Variants in GSDME observed in about 807,000 individuals in gnomAD.
The protein encoded by GSDME is gasdermin E, also known as gasdermin-E.
A neutral mutation model predicts 47.5 loss-of-function variants in GSDME; 44 were observed. The observed-to-expected ratio is 0.93, with a 90% CI of 0.73 to 1.19. The LOEUF (loss-of-function observed/expected upper bound fraction) is 1.19. Among genes scored for constraint, GSDME ranks in the 50% most tolerant of loss-of-function variants. The pLI is 0.00. For missense variants in GSDME, 663 were observed against 604.2 expected (o/e 1.10, Z -1.02); for synonymous variants, 258 against 252.8 (o/e 1.02, Z -0.20).
intron 4 of GSDME, among the ~76,000 whole-genome samples, chr7:24,718,801 C>T (rs910293675): frequency 8.2e-6 from 1 of 121,738 alleles, no homozygotes; most frequent in Admixed American, 8.6e-5. Context: ...AGGGCATCAA[C>T]CCAGGGAAAG....
the GSDME span, among the ~76,000 whole-genome samples, chr7:24,766,468 G>T: frequency 6.6e-6 from 1 of 151,906 alleles, no homozygotes; most frequent in African/African-American, 2.4e-5. This position sits in a 1 kb window ranked among gnomAD's most constrained non-coding sequence, Gnocchi z 4.2. Context: ...CACACCCACC[G>T]ACAGGCCCCG....
At chr7:24,715,872 C>A (rs936344743) in intron 5 of GSDME, among the ~76,000 whole-genome samples, 20 of 152,182 alleles carry the variant, frequency 1.3e-4, no homozygotes, top group African/African-American at 4.8e-4. Flanking sequence ...TTTCACCGCC[C>A]TAAAATGCAG....
chr7:24,703,643 TAGC>T (rs1205023330), intron 8 of GSDME: 6 of 153,256 alleles, frequency 3.9e-5, no homozygotes, highest in African/African-American at 1.4e-4. Flanking sequence ...TGCCATGTGT[TAGC>T]AGCCTTATTT....
intron 5 of GSDME, among the ~76,000 whole-genome samples, chr7:24,710,944 GAAT>G (rs1240514514): frequency 1.3e-5 from 2 of 152,132 alleles, no homozygotes; most frequent in Non-Finnish European, 2.9e-5. Context: ...AAACACAAAA[GAAT>G]ACATTCTCTC....
Position 24,728,278 on chromosome 7 carries a change from C to G in GSDME, c.405-9060G>C, listed in dbSNP as rs922881840. ...TTAGGGACCAAGAGAACTTGAGCTG[C>G]CAGGACAGATGGCGGCTGCCACAGG... On this transcript the variant is annotated intron_variant, in intron 3 of 9. Transcript: ENST00000645220. This position sits in a 1 kb window ranked among gnomAD's most constrained non-coding sequence, Gnocchi z 7.2. 3.3e-5 allele frequency among the ~76,000 whole-genome samples: 5 copies of G among 152,150 alleles called. No homozygotes were observed. The highest frequency in any genetic ancestry group is 7.4e-5 in the Non-Finnish European group (5 of 68,014).
At chr7:24,761,158 C>G (rs892319649), upstream of GSDME, among the ~76,000 whole-genome samples, 7 of 152,226 alleles carry the variant, frequency 4.6e-5, no homozygotes, top group African/African-American at 1.7e-4. The surrounding 1 kb of genome is among the most constrained non-coding windows in gnomAD (Gnocchi z 4.4). Flanking sequence ...CTGAGTGACT[C>G]TTCTGTTCCA....
At position 24,708,254 on chromosome 7, in the gene GSDME, G is replaced by C. The variant is rs150896230; in HGVS notation, c.863C>G (p.Ala288Gly). 2 of 1,613,944 alleles carry C rather than the reference G, an allele frequency of 1.2e-6. No homozygotes were observed. The highest frequency in any genetic ancestry group is 3.3e-5 in the Admixed American group (2 of 60,026). The change falls in exon 7 of 10, where the codon GCG becomes GGG. Residue 288 changes from alanine to glycine, a missense_variant and splice_region_variant. Coordinates refer to ENST00000645220, the MANE Select transcript of GSDME (RefSeq NM_001127453.2). ...QDGPLSVLKQ[A>G]TLLLERNFHP... The stretch of plus-strand genomic sequence containing the variant: ...GAAATTCCTCTCCAGGAGCAGGGTC[G>C]CTGTGAAAACAAAGCACACCCAAGT...
At position 24,736,208 on chromosome 7, in the gene GSDME, T is replaced by G. The variant is rs2128059967; in HGVS notation, c.404+8354A>C. On this transcript the variant is annotated intron_variant, in intron 3 of 9. Coordinates refer to ENST00000645220, the MANE Select transcript of GSDME (RefSeq NM_001127453.2). This position sits in a 1 kb window ranked among gnomAD's most constrained non-coding sequence, Gnocchi z 4.6. ...ATTGAATGTAACTAAACTCTCCAAT[T>G]AAAAGACATACACTGGCTAAATGGA... Among the ~76,000 whole-genome samples, 1 of 152,172 alleles carries G rather than the reference T, an allele frequency of 6.6e-6. No homozygotes were observed. The highest frequency in any genetic ancestry group is 1.9e-4 in the East Asian group (1 of 5,182).
In GSDME at chr7:24,753,266, C is replaced by CT. The variant is rs1358717605; in HGVS notation, c.-19-3474dup. ...CATTCCTGCCCAGGCCCCAGCAACC[C>CT]TTTCACTCCTCTCCCCTTCAGCCAT... On this transcript the variant is annotated intron_variant, in intron 1 of 9. Coordinates refer to ENST00000645220, the MANE Select transcript of GSDME (RefSeq NM_001127453.2). Among the ~76,000 whole-genome samples, 6 of 152,304 alleles carry CT rather than the reference C, an allele frequency of 3.9e-5. No individual in the cohort carries two copies. The East Asian group carries it at 1.2e-3, about 29-fold the overall frequency.
At position 24,757,041 on chromosome 7, in the gene GSDME, G is replaced by T. The variant is rs1400504905; in HGVS notation, c.-20+355C>A. ...GAACGAATGGGGAGGGGGGGTTTGG[G>T]GGGTTGGGAGAACGAAAATACCAGC... On this transcript the variant is annotated intron_variant, in intron 1 of 9. Transcript: ENST00000645220. The surrounding 1 kb of genome is among the most constrained non-coding windows in gnomAD (Gnocchi z 5.9). Among the ~76,000 whole-genome samples the T allele has an allele frequency of 2.0e-5, 3 of 152,182 alleles. No homozygotes were observed. The highest frequency in any genetic ancestry group is 2.9e-5 in the Non-Finnish European group (2 of 68,036).
At chr7:24,708,310 C>T (rs950792442) in intron 6 of GSDME, 56 bp from the exon 7 acceptor site, 19 of 1,605,630 alleles carry the variant, frequency 1.2e-5, no homozygotes, top group African/African-American at 6.7e-5. Flanking sequence ...CTCACGACGT[C>T]GGACAGCAAC....
chr7:24,700,031 G>A (rs1788800157), intron 9 of GSDME, among the ~76,000 whole-genome samples: 1 of 152,022 alleles, frequency 6.6e-6, no homozygotes, highest in South Asian at 2.1e-4. Flanking sequence ...TCAGTTGTCA[G>A]CTGAAATGCC....
At chr7:24,772,658 T>A in the GSDME span, among the ~76,000 whole-genome samples, 2 of 152,252 alleles carry the variant, frequency 1.3e-5, no homozygotes, top group Non-Finnish European at 2.9e-5. This position sits in a 1 kb window ranked among gnomAD's most constrained non-coding sequence, Gnocchi z 4.5. Flanking sequence ...AGCTGTTGAT[T>A]TCATGGGCAT....
chr7:24,702,934 G>T, intron 8 of GSDME, 101 bp from the exon 9 acceptor site: 2 of 972,352 alleles, frequency 2.1e-6, no homozygotes, highest in Non-Finnish European at 1.6e-6. Flanking sequence ...GTACTTTCCC[G>T]CCAGCCAGGC....
At chr7:24,743,541 T>C (rs1790553606) in intron 3 of GSDME, among the ~76,000 whole-genome samples, 2 of 152,188 alleles carry the variant, frequency 1.3e-5, no homozygotes, top group Non-Finnish European at 2.9e-5. Context: ...TACATCAGAT[T>C]ACGCCCCTTC....
chr7:24,743,726 A>G (rs1259147505), intron 3 of GSDME, among the ~76,000 whole-genome samples: 1 of 152,054 alleles, frequency 6.6e-6, no homozygotes, highest in Non-Finnish European at 1.5e-5. Flanking sequence ...TCCTGCCCAG[A>G]TGCCCCTGTG....
At position 24,756,979 on chromosome 7, in the gene GSDME, C is replaced by T. The variant is rs1437232469; in HGVS notation, c.-20+417G>A. On this transcript the variant is annotated intron_variant, in intron 1 of 9. Coordinates refer to ENST00000645220, the MANE Select transcript of GSDME (RefSeq NM_001127453.2). The surrounding 1 kb of genome is among the most constrained non-coding windows in gnomAD (Gnocchi z 4.2). ...ACACGCCCCCGAGCCGGGAGAGCCT[C>T]CGCAGCACCCAGAGAAGAGACCGGA... Among the ~76,000 whole-genome samples, 1 of 152,042 alleles carries T rather than the reference C, an allele frequency of 6.6e-6. No individual in the cohort carries two copies. The highest frequency in any genetic ancestry group is 1.5e-5 in the Non-Finnish European group (1 of 68,004).
chr7:24,707,822 G>A (rs1324638836), intron 7 of GSDME: 1 of 541,304 alleles, frequency 1.8e-6, no homozygotes, highest in Non-Finnish European at 3.3e-6. Context: ...TAGATCCTCT[G>A]GGGGAAGTGT....
intron 9 of GSDME, 119 bp from the exon 10 acceptor site, chr7:24,699,378 T>A (rs561103054): frequency 1.3e-6 from 1 of 741,876 alleles, no homozygotes; most frequent in South Asian, 1.5e-5. Context: ...AGTCTTGCTC[T>A]GTCGTCCAGG....
Sources: gnomAD v4.1 joint callset for allele counts (sites outside exome capture counted in the v4.1 genomes callset) on GRCh38, gnomAD v4.1.1 for gene constraint, Gnocchi (gnomAD v3.1) non-coding constraint, MANE v1.5 for transcripts, NCBI Gene and HGNC (gene_info 2026-07-23, HGNC 2026-07-21) for gene names.